The following PTPRD variants were observed in gnomAD, a reference collection of about 807,000 sequenced individuals.
PTPRD encodes protein tyrosine phosphatase receptor type D, also known as receptor-type tyrosine-protein phosphatase delta.
Under a neutral mutation model 214.5 loss-of-function variants are expected in PTPRD, and 34 were observed. That is an observed-to-expected ratio of 0.16 (90% CI 0.12 to 0.21). The LOEUF (loss-of-function observed/expected upper bound fraction) is 0.21. PTPRD is among the 10% of genes least tolerant of loss of function. The pLI is 1.00. For missense variants in PTPRD, 2,545 were observed against 2,398.7 expected (o/e 1.06, Z -1.27); for synonymous variants, 1,128 against 845.7 (o/e 1.33, Z -5.79).
rs554451366 is a variant in PTPRD, at chr9:10,484,883, C to A, written c.-600+127515G>T. On this transcript the variant is annotated intron_variant, in intron 2 of 45. Coordinates refer to ENST00000381196, the MANE Select transcript of PTPRD (RefSeq NM_002839.4). The stretch of plus-strand genomic sequence containing the variant: ...ACCTTGATGTGATTCAATGTGTCCA[C>A]TTTTCCTTTAGATACCCATGCTTAT... Among the ~76,000 whole-genome samples the A allele has an allele frequency of 3.7e-4, 56 of 151,980 alleles. 1 individual carries two copies. The highest frequency in any genetic ancestry group is 1.3e-3 in the African/African-American group (55 of 41,484).
intron 21 of PTPRD, 29 bp downstream of exon 21, chr9:8,517,819 G>A (rs963375284): frequency 3.8e-6 from 6 of 1,576,998 alleles, no homozygotes; most frequent in Non-Finnish European, 5.2e-6. Flanking sequence ...CTTCCCTCCT[G>A]CCCTATTTCC....
chr9:8,344,806 A>G (rs931930446), intron 39 of PTPRD, among the ~76,000 whole-genome samples: 2 of 151,952 alleles, frequency 1.3e-5, no homozygotes, highest in Non-Finnish European at 2.9e-5. Context: ...TTATATTCCC[A>G]TATTTCTTAA....
chr9:9,578,379 A>C (rs2089682576), intron 7 of PTPRD, among the ~76,000 whole-genome samples: 1 of 152,092 alleles, frequency 6.6e-6, no homozygotes, highest in African/African-American at 2.4e-5. Context: ...TGTTTGGAGA[A>C]ATTCATGAAA....
chr9:8,454,224 CAAACA>C (rs1173015448), intron 33 of PTPRD, among the ~76,000 whole-genome samples: 2 of 152,096 alleles, frequency 1.3e-5, no homozygotes, highest in East Asian at 1.9e-4. Flanking sequence ...TTGGTAAAAA[CAAACA>C]AAACAAAACA....
At chr9:8,393,356 T>C (rs1424304615) in intron 36 of PTPRD, among the ~76,000 whole-genome samples, 1 of 152,168 alleles carries the variant, frequency 6.6e-6, no homozygotes, top group Non-Finnish European at 1.5e-5. Flanking sequence ...AATTAGGTGA[T>C]TGCTTTTCAT....
At chr9:10,499,548 A>G (rs1589507923) in intron 2 of PTPRD, among the ~76,000 whole-genome samples, 1 of 152,048 alleles carries the variant, frequency 6.6e-6, no homozygotes, top group East Asian at 1.9e-4. Context: ...AATGTTTGAA[A>G]AGCATTTTTA....
At position 9,604,751 on chromosome 9, in the gene PTPRD, A is replaced by G. The variant is rs550212240; in HGVS notation, c.-286-29970T>C. On this transcript the variant is annotated intron_variant, in intron 7 of 45. Coordinates refer to ENST00000381196, the MANE Select transcript of PTPRD (RefSeq NM_002839.4). Reference sequence around the variant, plus strand: ...GGGTATTTGTTTGACAAAGTCAAACATCATCCATTTCTATGGCTAAAAGTT... The same window carrying G: ...GGGTATTTGTTTGACAAAGTCAAACGTCATCCATTTCTATGGCTAAAAGTT... Among the ~76,000 whole-genome samples the G allele has an allele frequency of 1.8e-4, 28 of 152,168 alleles. No homozygotes were observed. The South Asian group carries it at 5.8e-3, about 32-fold the overall frequency.
intron 2 of PTPRD, among the ~76,000 whole-genome samples, chr9:10,506,765 T>C (rs981172997): frequency 6.6e-6 from 1 of 152,192 alleles, no homozygotes; most frequent in Non-Finnish European, 1.5e-5. Context: ...TAAAGAACAC[T>C]GTCAATTATA....
intron 5 of PTPRD, among the ~76,000 whole-genome samples, chr9:9,839,230 G>A (rs967227082): frequency 7.9e-5 from 12 of 152,154 alleles, no homozygotes; most frequent in African/African-American, 2.7e-4. Context: ...GGAAATACAG[G>A]GTATTCAATT....
intron 3 of PTPRD, among the ~76,000 whole-genome samples, chr9:10,070,019 G>A (rs1339466572): frequency 6.6e-6 from 1 of 152,006 alleles, no homozygotes; most frequent in African/African-American, 2.4e-5. Flanking sequence ...GTGAAACCAA[G>A]ACCTACTGAT....
intron 11 of PTPRD, among the ~76,000 whole-genome samples, chr9:8,775,943 C>G (rs4460431): frequency 0.71 from 108,258 of 152,076 alleles, 38,569 homozygotes; most frequent in Middle Eastern, 0.81. Context: ...TAGGCTGGGC[C>G]AGTCCTAACT....
chr9:10,513,319 C>A (rs1203285736), intron 2 of PTPRD, among the ~76,000 whole-genome samples: 1 of 152,034 alleles, frequency 6.6e-6, no homozygotes, highest in African/African-American at 2.4e-5. Flanking sequence ...ATAAGTGCAA[C>A]AGGACAAGCA....
chr9:10,565,726 T>A (rs2065396176), intron 2 of PTPRD, among the ~76,000 whole-genome samples: 1 of 151,978 alleles, frequency 6.6e-6, no homozygotes, highest in African/African-American at 2.4e-5. Flanking sequence ...TTCTCAGACG[T>A]CATCTTACTC....
intron 10 of PTPRD, among the ~76,000 whole-genome samples, chr9:9,021,725 A>G (rs751424859): frequency 1.8e-4 from 27 of 152,042 alleles, no homozygotes; most frequent in Non-Finnish European, 3.5e-4. Flanking sequence ...GCCTAGACTA[A>G]TGTGTGTGTT....
chr9:9,927,827 T>C (rs1316392917), intron 5 of PTPRD, among the ~76,000 whole-genome samples: 1 of 152,170 alleles, frequency 6.6e-6, no homozygotes, highest in Non-Finnish European at 1.5e-5. Flanking sequence ...TAGCCCTAGC[T>C]TATTTTCATG....
intron 11 of PTPRD, among the ~76,000 whole-genome samples, chr9:8,775,970 G>A (rs2095455546): frequency 6.6e-6 from 1 of 152,182 alleles, no homozygotes; most frequent in African/African-American, 2.4e-5. Flanking sequence ...AGTAGGTAAA[G>A]TTGATGGACA....
chr9:9,880,754 G>A (rs759708367), intron 5 of PTPRD, among the ~76,000 whole-genome samples: 1 of 152,110 alleles, frequency 6.6e-6, no homozygotes, highest in African/African-American at 2.4e-5. Context: ...ATTTAGTGGT[G>A]AGACTATTAA....
intron 8 of PTPRD, among the ~76,000 whole-genome samples, chr9:9,499,243 C>T (rs2096313757): frequency 6.6e-6 from 1 of 152,108 alleles, no homozygotes; most frequent in Admixed American, 6.6e-5. Flanking sequence ...ATGATGTTAT[C>T]CCCTTTTTAA....
At chr9:8,892,344 G>A (rs2098546904) in intron 11 of PTPRD, among the ~76,000 whole-genome samples, 2 of 152,080 alleles carry the variant, frequency 1.3e-5, no homozygotes, top group Non-Finnish European at 2.9e-5. Flanking sequence ...CACAGACTCT[G>A]AACCACTATG....
Sources: gnomAD v4.1 joint callset for allele counts (sites outside exome capture counted in the v4.1 genomes callset) on GRCh38, gnomAD v4.1.1 for gene constraint, MANE v1.5 for transcripts, NCBI Gene and HGNC (gene_info 2026-07-23, HGNC 2026-07-21) for gene names.